Variants in PPP2R5E observed in about 807,000 individuals in gnomAD.
PPP2R5E encodes serine/threonine-protein phosphatase 2A 56 kDa regulatory subunit epsilon isoform.
Under a neutral mutation model 65.3 loss-of-function variants are expected in PPP2R5E, and 4 were observed. That is an observed-to-expected ratio of 0.06 (90% CI 0.03 to 0.14). The LOEUF (loss-of-function observed/expected upper bound fraction) is 0.14, where lower values mean the gene tolerates loss of function less well. PPP2R5E is among the 10% of genes least tolerant of loss of function. The pLI is 1.00. For missense variants in PPP2R5E, 274 were observed against 556.1 expected (o/e 0.49, Z 5.10); for synonymous variants, 183 against 187.4 (o/e 0.98, Z 0.19).
intron 2 of PPP2R5E, among the ~76,000 whole-genome samples, chr14:63,472,245 A>T (rs1890172156): frequency 6.6e-6 from 1 of 152,198 alleles, no homozygotes. Context: ...GGTTGAAATG[A>T]GCTGAGATCA....
intron 4 of PPP2R5E, among the ~76,000 whole-genome samples, chr14:63,419,916 T>C (rs1187587382): frequency 6.6e-6 from 1 of 152,230 alleles, no homozygotes; most frequent in Non-Finnish European, 1.5e-5. Context: ...GATTAACTAA[T>C]GGTTAATATT....
intron 7 of PPP2R5E, 127 bp downstream of exon 7, chr14:63,395,098 AG>A: frequency 1.4e-6 from 1 of 704,824 alleles, no homozygotes; most frequent in Non-Finnish European, 2.4e-6. Context: ...ATATGCTAAT[AG>A]GCACAAATGA....
At chr14:63,534,705 A>G (rs1467968659) in intron 2 of PPP2R5E, among the ~76,000 whole-genome samples, 2 of 152,140 alleles carry the variant, frequency 1.3e-5, no homozygotes, top group African/African-American at 2.4e-5. Context: ...CTGCAGCCTC[A>G]GCCTCCTGGG....
At chr14:63,537,286 C>T (rs956380608) in intron 2 of PPP2R5E, among the ~76,000 whole-genome samples, 4 of 151,956 alleles carry the variant, frequency 2.6e-5, no homozygotes, top group African/African-American at 4.8e-5. Flanking sequence ...TTTACAGATA[C>T]AGAAGTTAAC....
At chr14:63,526,153 C>G (rs908952113) in intron 2 of PPP2R5E, among the ~76,000 whole-genome samples, 19 of 152,112 alleles carry the variant, frequency 1.2e-4, no homozygotes, top group Non-Finnish European at 2.4e-4. Context: ...AGCCACCATG[C>G]CTGGCCCTCT....
intron 10 of PPP2R5E, among the ~76,000 whole-genome samples, chr14:63,390,705 AG>A (rs1884969425): frequency 6.6e-6 from 1 of 152,240 alleles, no homozygotes. Flanking sequence ...TTCTGCTAAA[AG>A]TAAAATATAG....
At chr14:63,520,257 G>A (rs1191962242) in intron 2 of PPP2R5E, among the ~76,000 whole-genome samples, 3 of 151,510 alleles carry the variant, frequency 2.0e-5, no homozygotes, top group Middle Eastern at 3.4e-3. Context: ...GGATGGTCTC[G>A]ATCTTCTGAC....
intron 3 of PPP2R5E, among the ~76,000 whole-genome samples, chr14:63,447,120 G>A (rs1888523828): frequency 6.6e-6 from 1 of 152,196 alleles, no homozygotes; most frequent in Non-Finnish European, 1.5e-5. Flanking sequence ...TGGTAAATGA[G>A]CACTGGCTTC....
intron 10 of PPP2R5E, among the ~76,000 whole-genome samples, chr14:63,390,778 A>G (rs1381340043): frequency 6.6e-6 from 1 of 152,232 alleles, no homozygotes; most frequent in African/African-American, 2.4e-5. Context: ...ACCAAATATA[A>G]AACTAACAGC....
chr14:63,397,087 C>T (rs958709492), intron 5 of PPP2R5E, among the ~76,000 whole-genome samples: 1 of 152,206 alleles, frequency 6.6e-6, no homozygotes, highest in Non-Finnish European at 1.5e-5. Context: ...GGTTAAGTAA[C>T]GTGCCCACGG....
intron 2 of PPP2R5E, among the ~76,000 whole-genome samples, chr14:63,526,584 C>T (rs1193372379): frequency 6.6e-6 from 1 of 152,054 alleles, no homozygotes; most frequent in Non-Finnish European, 1.5e-5. Context: ...GACAGGGTCT[C>T]ACTCTGTCAC....
chr14:63,509,149 T>G (rs1259714085), intron 2 of PPP2R5E, among the ~76,000 whole-genome samples: 1 of 152,106 alleles, frequency 6.6e-6, no homozygotes, highest in African/African-American at 2.4e-5. Flanking sequence ...TCTAGGCCTG[T>G]GTAGACTGCA....
At chr14:63,419,136 T>C (rs1886867843) in intron 4 of PPP2R5E, among the ~76,000 whole-genome samples, 1 of 152,212 alleles carries the variant, frequency 6.6e-6, no homozygotes, top group Non-Finnish European at 1.5e-5. Flanking sequence ...TATGGGCCAC[T>C]ACGTCCGGCC....
chr14:63,531,500 CAT>C lies in PPP2R5E; in HGVS notation c.157+8027_157+8028del, dbSNP rs918824218. Among the ~76,000 whole-genome samples the C allele has an allele frequency of 3.3e-5, 5 of 151,230 alleles. No homozygotes were observed. In the East Asian group the frequency reaches 7.7e-4, roughly 23 times the overall value. On this transcript the variant is annotated intron_variant, in intron 2 of 13. Transcript: ENST00000337537. The stretch of plus-strand genomic sequence containing the variant: ...AAATTAAAAAGAAAAAAAAAAATAA[CAT>C]AGTTTGGCACTTGCTTTTGTGCAAG...
At chr14:63,396,847 T>A in intron 5 of PPP2R5E, 131 bp from the exon 6 acceptor site, 1 of 1,079,664 alleles carries the variant, frequency 9.3e-7, no homozygotes, top group Non-Finnish European at 1.3e-6. Context: ...CCAAGCACAG[T>A]GCTAGTCTTT....
At chr14:63,502,510 T>C (rs1022285845) in intron 2 of PPP2R5E, among the ~76,000 whole-genome samples, 36 of 151,874 alleles carry the variant, frequency 2.4e-4, no homozygotes, top group Non-Finnish European at 2.9e-5. Context: ...CTATTAAAAA[T>C]ACAAAAATTA....
chr14:63,434,000 G>T (rs1287063567), intron 3 of PPP2R5E, among the ~76,000 whole-genome samples: 1 of 152,108 alleles, frequency 6.6e-6, no homozygotes, highest in Non-Finnish European at 1.5e-5. Flanking sequence ...CTTTGTTCTT[G>T]TGGGTTTTAT....
rs956653355 is a variant in PPP2R5E, at chr14:63,531,382, G to A, written c.157+8147C>T. On this transcript the variant is annotated intron_variant, in intron 2 of 13. Transcript: ENST00000337537. ...TTCCCACCTATGAGTGAGAACATGC[G>A]GTGTTTGGTTTTTTGTCCTTGCGAT... is the stretch of plus-strand genomic sequence containing the variant. 4.0e-5 allele frequency among the ~76,000 whole-genome samples: 6 copies of A among 151,074 alleles called. No individual in the cohort carries two copies. In the South Asian group the frequency reaches 6.3e-4, roughly 16 times the overall value.
At chr14:63,512,088 A>AT (rs1415602722) in intron 2 of PPP2R5E, among the ~76,000 whole-genome samples, 3 of 149,906 alleles carry the variant, frequency 2.0e-5, no homozygotes, top group African/African-American at 7.5e-5. Flanking sequence ...TAAAAAAAAA[A>AT]AAAAAAAAAA....
Sources: gnomAD v4.1 joint callset for allele counts (sites outside exome capture counted in the v4.1 genomes callset) on GRCh38, gnomAD v4.1.1 for gene constraint, MANE v1.5 for transcripts, NCBI Gene and HGNC (gene_info 2026-07-23, HGNC 2026-07-21) for gene names.